MAP7: variants seen among roughly 807,000 people sequenced by gnomAD.
MAP7 encodes the protein microtubule associated protein 7, also known as ensconsin.
A neutral mutation model predicts 94.8 loss-of-function variants in MAP7; 52 were observed. The ratio of observed to expected loss-of-function variants is 0.55; its 90% CI spans 0.44 to 0.69. The LOEUF is 0.69. Ranked by LOEUF, MAP7 falls within the 30% of genes least tolerant of loss-of-function variation. The probability of loss-of-function intolerance (pLI) is 0.00; values close to 1 mark genes in which losing one functional copy is unlikely to be tolerated. For synonymous variants in MAP7, 350 were observed against 357.0 expected (o/e 0.98, Z 0.22); for missense variants, 940 against 964.6 (o/e 0.97, Z 0.34).
chr6:136,545,576 C>T (rs760105973), intron 1 of MAP7: 52 of 152,208 alleles, frequency 3.4e-4, no homozygotes, highest in Admixed American at 2.1e-3. Context: ...CACAATTTGA[C>T]TTCGATGAAC....
intron 7 of MAP7, among the ~76,000 whole-genome samples, chr6:136,374,949 A>G (rs1775656621): frequency 6.6e-6 from 1 of 152,136 alleles, no homozygotes; most frequent in African/African-American, 2.4e-5. Context: ...TTCCCAGAGT[A>G]CACTTCATAT....
rs1374002471 is a variant in MAP7 at position 136,388,597 on chromosome 6, C to A, written c.409-87G>T. ...TTAAGGCAGAATGGAGTGAGGAGTA[C>A]TACTTCAATTCCCACTCTACTATTC... On this transcript the variant is annotated intron_variant, in intron 4 of 17. Coordinates refer to ENST00000354570, the MANE Select transcript of MAP7 (RefSeq NM_003980.6). The A allele has an allele frequency of 4.1e-6, 4 of 976,938 alleles. No homozygotes were observed. In the East Asian group the frequency reaches 9.7e-5, roughly 24 times the overall value. The allele number at this position is 976,938 out of a possible 1,614,324, so 60.5% of individuals were successfully genotyped here.
rs774882641 is a variant in MAP7 at position 136,362,608 on chromosome 6, G to A, written c.1368C>T (p.Ala456=). Residue 456 remains alanine, a synonymous_variant, in exon 11 of 18, where the codon GCC becomes GCT. Transcript: ENST00000354570. Reference sequence around the variant, plus strand: ...CACTGGCATTCACAGTGGATGACGGGGCTGAGACCATGGCTGGGGTGGGGA... The same window carrying A: ...CACTGGCATTCACAGTGGATGACGGAGCTGAGACCATGGCTGGGGTGGGGA... The part of the protein sequence containing the change: ...APVPTPAMVS[A]PSSTVNASAS... 2.4e-5 allele frequency: 39 copies of A among 1,613,918 alleles called. 1 individual carries two copies. In the South Asian group the frequency reaches 4.2e-4, roughly 17 times the overall value.
At position 136,389,360 on chromosome 6, in the gene MAP7, C is replaced by T; in HGVS notation, c.402G>A (p.Glu134=). 3 of 1,532,496 alleles carry T rather than the reference C, an allele frequency of 2.0e-6. No individual in the cohort carries two copies. Among genetic ancestry groups the T allele is most frequent in the South Asian group, 2.6e-5 (2 of 76,956 alleles). The allele number at this position is 1,532,496 out of a possible 1,614,324, so 94.9% of individuals were successfully genotyped here. Reference sequence around the variant, plus strand: ...TTCCCGGGGGGCGGCTCACTTTGTCCTCCTCAAGTCTCTGCCTCCGCTTCT... The same window carrying T: ...TTCCCGGGGGGCGGCTCACTTTGTCTTCCTCAAGTCTCTGCCTCCGCTTCT... ...VEEKRRQRLE[E]DKERHEAVVR... Residue 134 remains glutamate (E), a synonymous_variant, in exon 4 of 18, where the codon GAG becomes GAA. Transcript: ENST00000354570.
At chr6:136,394,838 C>T (rs1781852750) in intron 3 of MAP7, among the ~76,000 whole-genome samples, 1 of 147,660 alleles carries the variant, frequency 6.8e-6, no homozygotes, top group Admixed American at 6.8e-5. Context: ...CTTTCTGTGC[C>T]TGTCTTACTT....
chr6:136,412,769 T>G (rs1787901309), intron 2 of MAP7, among the ~76,000 whole-genome samples: 1 of 152,190 alleles, frequency 6.6e-6, no homozygotes, highest in African/African-American at 2.4e-5. Flanking sequence ...GGGCTAGGTT[T>G]ACAGGCTCAC....
At chr6:136,347,055 T>G (rs1247399222) in intron 16 of MAP7, among the ~76,000 whole-genome samples, 1 of 152,240 alleles carries the variant, frequency 6.6e-6, no homozygotes, top group East Asian at 1.9e-4. Context: ...GAGATATACT[T>G]AATTGGCCCC....
At chr6:136,511,159 G>A (rs775581198) in intron 1 of MAP7, among the ~76,000 whole-genome samples, 35 of 152,088 alleles carry the variant, frequency 2.3e-4, no homozygotes, top group Non-Finnish European at 7.4e-5. Context: ...TAGAAGTGTT[G>A]ATATAAGAGG....
rs141775972 is a variant in MAP7, at chr6:136,534,974, CATGAGAAAAGCGTA to C, written c.67+15354_67+15367del. Among the ~76,000 whole-genome samples, 794 of 152,224 alleles carry C rather than the reference CATGAGAAAAGCGTA, an allele frequency of 5.2e-3. 9 individuals are homozygous for C. The highest frequency in any genetic ancestry group is 0.018 in the African/African-American group (762 of 41,528). On this transcript the variant is annotated intron_variant, in intron 1 of 17. Coordinates refer to ENST00000354570, the MANE Select transcript of MAP7 (RefSeq NM_003980.6). ...AGAGAGGGTTGGATAAAACGCTTTT[CATGAGAAAAGCGTA>C]TGAAGGTTTGAGGCATTAAACTTTA... is the stretch of plus-strand genomic sequence containing the variant.
At chr6:136,481,213 G>T (rs1812756319) in intron 1 of MAP7, among the ~76,000 whole-genome samples, 1 of 152,064 alleles carries the variant, frequency 6.6e-6, no homozygotes, top group African/African-American at 2.4e-5. Context: ...CAGTATGAAG[G>T]TTCTATAAAA....
At chr6:136,472,824 T>C (rs968797227) in intron 1 of MAP7, among the ~76,000 whole-genome samples, 9 of 151,562 alleles carry the variant, frequency 5.9e-5, no homozygotes, top group African/African-American at 2.0e-4. Context: ...CTTGTCAGAT[T>C]AGTCTCCCTA....
intron 16 of MAP7, among the ~76,000 whole-genome samples, chr6:136,356,373 C>T (rs1790938452): frequency 1.3e-5 from 2 of 152,020 alleles, no homozygotes; most frequent in South Asian, 4.2e-4. Flanking sequence ...GCTATGTTGC[C>T]CAGGCTGGTC....
intron 1 of MAP7, among the ~76,000 whole-genome samples, chr6:136,540,572 A>G (rs1414608842): frequency 6.6e-6 from 1 of 152,208 alleles, no homozygotes; most frequent in Non-Finnish European, 1.5e-5. Flanking sequence ...ATTTCCTTCA[A>G]AAAAGTCCTG....
intron 1 of MAP7, among the ~76,000 whole-genome samples, chr6:136,504,355 T>C (rs1395989272): frequency 6.6e-6 from 1 of 151,970 alleles, no homozygotes; most frequent in Non-Finnish European, 1.5e-5. Context: ...TGTTTTGTTT[T>C]TTTTTTGGGG....
At position 136,361,068 on chromosome 6, in the gene MAP7, C is replaced by T. The variant is rs759435513; in HGVS notation, c.1638G>A (p.Leu546=). ...AEQAREKEEQ[L]QRQAEERALR... Reference sequence around the variant, plus strand: ...GCGCCCGCTCCTCCGCCTGCCGCTGCAGCTGCTCCTCCTTCTCCCGGGCCT... The same window carrying T: ...GCGCCCGCTCCTCCGCCTGCCGCTGTAGCTGCTCCTCCTTCTCCCGGGCCT... Residue 546 remains leucine (L), a synonymous_variant, in exon 12 of 18, where the codon CTG becomes CTA. Transcript: ENST00000354570. 6.1e-5 allele frequency: 97 copies of T among 1,600,572 alleles called. No homozygotes were observed. Among genetic ancestry groups the T allele is most frequent in the Non-Finnish European group, 7.4e-5 (87 of 1,178,410 alleles).
chr6:136,426,827 T>C (rs984552916), intron 1 of MAP7, among the ~76,000 whole-genome samples: 3 of 152,268 alleles, frequency 2.0e-5, no homozygotes, highest in Admixed American at 2.0e-4. Context: ...GGAAAGTCAC[T>C]GAAGTATATA....
At chr6:136,504,253 G>A (rs1820686207) in intron 1 of MAP7, among the ~76,000 whole-genome samples, 1 of 152,168 alleles carries the variant, frequency 6.6e-6, no homozygotes, top group Non-Finnish European at 1.5e-5. Flanking sequence ...GAAACAGGGA[G>A]AGAGATGGAA....
At chr6:136,499,689 C>A (rs998295757) in intron 1 of MAP7, among the ~76,000 whole-genome samples, 2 of 152,074 alleles carry the variant, frequency 1.3e-5, no homozygotes, top group Non-Finnish European at 2.9e-5. Flanking sequence ...TTTTTACAAA[C>A]CTTTTACAGT....
At chr6:136,505,929 T>C (rs1327454266) in intron 1 of MAP7, among the ~76,000 whole-genome samples, 2 of 152,210 alleles carry the variant, frequency 1.3e-5, no homozygotes, top group East Asian at 3.8e-4. Context: ...TGTATGTTGA[T>C]ATAATCTTTT....
Sources: allele counts gnomAD v4.1 joint callset (sites outside exome capture counted in the v4.1 genomes callset), GRCh38; gene constraint gnomAD v4.1.1; transcripts MANE v1.5; gene names NCBI Gene and HGNC (gene_info 2026-07-23, HGNC 2026-07-21).